Variants in WFDC11 observed in about 807,000 individuals in gnomAD.
WFDC11 encodes protein WFDC11.
WFDC11 carries 9 observed loss-of-function variants against 9.9 expected under a neutral mutation model. The ratio of observed to expected loss-of-function variants is 0.91; its 90% CI spans 0.55 to 1.58. The LOEUF is 1.58. Among genes scored for constraint, WFDC11 ranks in the 40% most tolerant of loss-of-function variants. The pLI, the probability that WFDC11 is intolerant of heterozygous loss-of-function variation, is 0.00. For synonymous variants in WFDC11, 32 were observed against 33.3 expected, an observed-to-expected ratio of 0.96 and a Z score of 0.13; for missense variants, 106 against 101.7, an observed-to-expected ratio of 1.04 and a Z score of -0.18.
At chr20:45,650,910 A>T (rs1181180453) in intron 2 of WFDC11, among the ~76,000 whole-genome samples, 2 of 152,206 alleles carry the variant, frequency 1.3e-5, no homozygotes, top group African/African-American at 4.8e-5. Flanking sequence ...CTTACAAAAA[A>T]ATTTTTTTAA....
intron 2 of WFDC11, among the ~76,000 whole-genome samples, chr20:45,657,507 A>C (rs1982961316): frequency 6.6e-6 from 1 of 152,050 alleles, no homozygotes; most frequent in Admixed American, 6.5e-5. Context: ...TGGGTGCAGC[A>C]CACCAATATG....
chr20:45,649,419 G>A lies in WFDC11; in HGVS notation c.101-20C>T. On this transcript the variant is annotated intron_variant, in intron 3 of 4. Coordinates refer to ENST00000324384, the MANE Select transcript of WFDC11 (RefSeq NM_147197.2). The stretch of plus-strand genomic sequence containing the variant: ...CCTTCCCTGAAATTGAGATGAGATG[G>A]TCAAAGGTTGATGGTATGTTTCAGC... The A allele has an allele frequency of 6.2e-7, 1 of 1,612,164 alleles. No homozygotes were observed. The highest frequency in any genetic ancestry group is 1.1e-5 in the South Asian group (1 of 90,978).
intron 2 of WFDC11, among the ~76,000 whole-genome samples, chr20:45,658,522 T>A (rs746037030): frequency 2.8e-4 from 43 of 152,168 alleles, no homozygotes; most frequent in Middle Eastern, 3.2e-3. Context: ...CATGATCGTT[T>A]GTATATCTGT....
chr20:45,657,732 T>C (rs372965228), intron 2 of WFDC11, among the ~76,000 whole-genome samples: 1 of 152,210 alleles, frequency 6.6e-6, no homozygotes, highest in Non-Finnish European at 1.5e-5. Flanking sequence ...TCTTTAATGT[T>C]TTTTATTTTC....
intron 2 of WFDC11, among the ~76,000 whole-genome samples, chr20:45,666,462 A>T (rs1983190644): frequency 6.6e-6 from 1 of 152,218 alleles, no homozygotes; most frequent in Non-Finnish European, 1.5e-5. Flanking sequence ...GAGATGAACC[A>T]GGTACCACAG....
chr20:45,651,216 C>T (rs1982797776), intron 2 of WFDC11, among the ~76,000 whole-genome samples: 1 of 152,168 alleles, frequency 6.6e-6, no homozygotes, highest in African/African-American at 2.4e-5. Flanking sequence ...ATTTATTGAA[C>T]ACCTACTATG....
chr20:45,664,947 T>C (rs1983156787), intron 2 of WFDC11, among the ~76,000 whole-genome samples: 1 of 152,192 alleles, frequency 6.6e-6, no homozygotes, highest in East Asian at 1.9e-4. Flanking sequence ...ATTTCCTGAA[T>C]TTGAATGTTG....
intron 2 of WFDC11, among the ~76,000 whole-genome samples, chr20:45,651,131 C>A (rs1055133250): frequency 6.6e-6 from 1 of 152,150 alleles, no homozygotes; most frequent in Non-Finnish European, 1.5e-5. Context: ...GAGTTCTCAT[C>A]ATTTAGCTCC....
chr20:45,648,770 G>A (rs147967074), intron 4 of WFDC11, 31 bp from the exon 5 acceptor site: 2 of 1,612,310 alleles, frequency 1.2e-6, no homozygotes, highest in Non-Finnish European at 1.7e-6. Context: ...ATTTTTAGAG[G>A]CTAGAGAACT....
chr20:45,659,218 G>T (rs1217954531), intron 2 of WFDC11, among the ~76,000 whole-genome samples: 1 of 152,154 alleles, frequency 6.6e-6, no homozygotes, highest in Non-Finnish European at 1.5e-5. Flanking sequence ...AATCCTTTGG[G>T]TGTATACCCA....
At chr20:45,651,482 G>A (rs1227532668) in intron 2 of WFDC11, among the ~76,000 whole-genome samples, 1 of 151,956 alleles carries the variant, frequency 6.6e-6, no homozygotes, top group Non-Finnish European at 1.5e-5. Context: ...AACATTTAGG[G>A]GCTGAATAGG....
chr20:45,669,523 A>T (rs1225050197), intron 1 of WFDC11, among the ~76,000 whole-genome samples: 1 of 152,142 alleles, frequency 6.6e-6, no homozygotes, highest in East Asian at 1.9e-4. Flanking sequence ...AGCTCTCAAA[A>T]CCACACACTT....
At chr20:45,656,589 A>T (rs959626317) in intron 2 of WFDC11, among the ~76,000 whole-genome samples, 1 of 152,030 alleles carries the variant, frequency 6.6e-6, no homozygotes, top group Non-Finnish European at 1.5e-5. Flanking sequence ...GACAAGTGGG[A>T]TCTAATTAAT....
intron 2 of WFDC11, among the ~76,000 whole-genome samples, chr20:45,652,339 C>G (rs1375603891): frequency 6.6e-6 from 1 of 152,184 alleles, no homozygotes; most frequent in Non-Finnish European, 1.5e-5. Flanking sequence ...GAGTGGACCT[C>G]GAGCAAACTC....
intron 2 of WFDC11, among the ~76,000 whole-genome samples, chr20:45,655,706 C>G (rs1274404712): frequency 6.6e-6 from 1 of 152,182 alleles, no homozygotes; most frequent in Non-Finnish European, 1.5e-5. Context: ...CCCAAAATCT[C>G]CTTAAGCTGA....
intron 2 of WFDC11, among the ~76,000 whole-genome samples, chr20:45,658,910 C>CG (rs1204455376): frequency 5.0e-5 from 5 of 100,306 alleles, no homozygotes; most frequent in Admixed American, 9.7e-5. Flanking sequence ...GATGCCCACC[C>CG]CCCCGTCCAT....
At chr20:45,655,988 C>G (rs1473868204) in intron 2 of WFDC11, among the ~76,000 whole-genome samples, 7 of 152,122 alleles carry the variant, frequency 4.6e-5, no homozygotes, top group Admixed American at 4.6e-4. Context: ...GAATCAATAT[C>G]GAGAAAATGG....
At chr20:45,650,469 C>T in intron 3 of WFDC11, 32 bp downstream of exon 3, 1 of 1,577,422 alleles carries the variant, frequency 6.3e-7, no homozygotes, top group South Asian at 1.1e-5. Flanking sequence ...TCATCCCCCT[C>T]CTGTGGCCCC....
intron 2 of WFDC11, among the ~76,000 whole-genome samples, chr20:45,666,812 A>G (rs1443806423): frequency 6.6e-6 from 1 of 152,250 alleles, no homozygotes; most frequent in Non-Finnish European, 1.5e-5. Flanking sequence ...TCTTAAGATT[A>G]GATATAAGTT....
Sources: allele counts gnomAD v4.1 joint callset (sites outside exome capture counted in the v4.1 genomes callset), GRCh38; gene constraint gnomAD v4.1.1; transcripts MANE v1.5; gene names NCBI Gene and HGNC (gene_info 2026-07-23, HGNC 2026-07-21).